DNPEP: variants seen among roughly 807,000 people sequenced by gnomAD.
The protein encoded by DNPEP is aspartyl aminopeptidase.
Under a neutral mutation model 59.1 loss-of-function variants are expected in DNPEP, and 46 were observed. That is an observed-to-expected ratio of 0.78 (90% CI 0.61 to 0.99). The LOEUF (loss-of-function observed/expected upper bound fraction) is 0.99, where lower values mean the gene tolerates loss of function less well. Ranked by LOEUF, DNPEP falls within the 50% of genes least tolerant of loss-of-function variation. DNPEP has a pLI of 0.00. For synonymous variants in DNPEP, 229 were observed against 242.2 expected, an observed-to-expected ratio of 0.95 and a Z score of 0.50; for missense variants, 617 against 649.9, an observed-to-expected ratio of 0.95 and a Z score of 0.55.
upstream of DNPEP, chr2:219,388,843 T>C (rs1244960522): frequency 1.0e-6 from 1 of 985,388 alleles, no homozygotes; most frequent in Non-Finnish European, 1.2e-6. Flanking sequence ...CCTCGTTTAA[T>C]CTTCACAACT....
At chr2:219,382,762 G>T (rs1953653421) in intron 10 of DNPEP, among the ~76,000 whole-genome samples, 2 of 152,192 alleles carry the variant, frequency 1.3e-5, no homozygotes, top group Admixed American at 6.5e-5. Context: ...GACCTGGGTT[G>T]TTACATGAGA....
In DNPEP at chr2:219,386,389, C is replaced by T. The variant is rs1036722439; in HGVS notation, c.356G>A (p.Ser119Asn). 6.2e-7 allele frequency: 1 copy of T among 1,614,226 alleles called. No individual in the cohort carries two copies. Among genetic ancestry groups the T allele is most frequent in the East Asian group, 2.2e-5 (1 of 44,880 alleles). Residue 119 changes from serine to asparagine, a missense_variant, in exon 5 of 15, where the codon AGC becomes AAC. By Grantham distance (46) the Ser-to-Asn change is conservative. Transcript: ENST00000273075. ...CLRVKRRSRR[S>N]QVGFQQVGVE... Reference sequence around the variant, plus strand: ...ACCGACTTGCTGGAAGCCCACCTGGCTGCGGCGAGACCGACGTTTCACCTG... The same window carrying T: ...ACCGACTTGCTGGAAGCCCACCTGGTTGCGGCGAGACCGACGTTTCACCTG...
At chr2:219,390,519 A>G (rs768808637), upstream of DNPEP, among the ~76,000 whole-genome samples, 4 of 152,252 alleles carry the variant, frequency 2.6e-5, no homozygotes, top group Non-Finnish European at 5.9e-5. Context: ...TCATGAACAT[A>G]TGAGACACCT....
At chr2:219,386,237 G>A in intron 5 of DNPEP, 49 bp downstream of exon 5, 1 of 1,613,172 alleles carries the variant, frequency 6.2e-7, no homozygotes, top group South Asian at 1.1e-5. Flanking sequence ...GAGGAGTGTG[G>A]CAGTCAGTCT....
upstream of DNPEP, chr2:219,388,969 C>T (rs1221082942): frequency 7.1e-6 from 5 of 706,658 alleles, no homozygotes; most frequent in Non-Finnish European, 5.2e-6. Flanking sequence ...GTTTGAACTC[C>T]ATCAGTTTGA....
intron 13 of DNPEP, among the ~76,000 whole-genome samples, chr2:219,380,067 T>C (rs1953524635): frequency 1.3e-5 from 2 of 152,182 alleles, no homozygotes; most frequent in South Asian, 2.1e-4. Context: ...AGTAATGTCC[T>C]AGGCCTTCAC....
intron 9 of DNPEP, 66 bp from the exon 10 acceptor site, chr2:219,383,280 C>G: frequency 6.9e-7 from 1 of 1,457,754 alleles, no homozygotes; most frequent in Non-Finnish European, 9.6e-7. Flanking sequence ...AGCCCACCAG[C>G]ACCTTGGGTG....
intron 8 of DNPEP, 50 bp from the exon 9 acceptor site, chr2:219,384,493 A>G (rs1953727534): frequency 6.6e-7 from 1 of 1,510,098 alleles, no homozygotes; most frequent in Non-Finnish European, 9.1e-7. Flanking sequence ...ACCCCCACTC[A>G]CCTTTCTTTT....
In DNPEP at chr2:219,377,546, T is replaced by TA. The variant is rs201398383; in HGVS notation, c.1240-2525dup. On this transcript the variant is annotated intron_variant, in intron 13 of 14. Coordinates refer to ENST00000273075, the MANE Select transcript of DNPEP (RefSeq NM_012100.4). ...GATACTAGGGTGGGCCAAATACCTG[T>TA]AAAAAAAATATTTTGAGGATAACTG... Among the ~76,000 whole-genome samples, 738 of 151,984 alleles carry TA rather than the reference T, an allele frequency of 4.9e-3. 7 individuals carry two copies. The highest frequency in any genetic ancestry group is 0.016 in the African/African-American group (672 of 41,452).
Position 219,384,215 on chromosome 2 carries a change from C to G in DNPEP, c.852+151G>C, listed in dbSNP as rs143090933. ...GATGCTGAGGCTGCAACATTTAGGG[C>G]CCCCTCCTGGTCCATCCAGCACCAG... On this transcript the variant is annotated intron_variant, in intron 9 of 14. Coordinates refer to ENST00000273075, the MANE Select transcript of DNPEP (RefSeq NM_012100.4). 499 of 665,154 alleles carry G rather than the reference C, an allele frequency of 7.5e-4. No individual in the cohort carries two copies. The African/African-American group carries it at 8.7e-3, about 12-fold the overall frequency. The allele number at this position is 665,154 out of a possible 1,614,324, so 41.2% of individuals were successfully genotyped here.
intron 10 of DNPEP, among the ~76,000 whole-genome samples, 194 bp from the exon 11 acceptor site, chr2:219,382,333 C>T (rs137958206): frequency 6.2e-4 from 94 of 152,330 alleles, no homozygotes; most frequent in African/African-American, 2.2e-3. Context: ...ACATTCTTAA[C>T]AGTACTGGTG....
intron 11 of DNPEP, 51 bp downstream of exon 11, chr2:219,381,928 G>A (rs1429204123): frequency 1.3e-6 from 2 of 1,600,002 alleles, no homozygotes; most frequent in African/African-American, 1.3e-5. Flanking sequence ...GGCAGGTTAT[G>A]CTTGGGTCTC....
rs1403569242 is a variant in DNPEP, at chr2:219,399,302, A to G, written c.-158+638T>C. On this transcript the variant is annotated intron_variant, in intron 1 of 6. Transcript: ENST00000434339. Reference sequence around the variant, plus strand: ...ATAAAAATATCAAAGGCCAACACCTATCTCAAACAGAAACCGACCCACCCT... The same window carrying G: ...ATAAAAATATCAAAGGCCAACACCTGTCTCAAACAGAAACCGACCCACCCT... 7.0e-5 allele frequency: 26 copies of G among 369,036 alleles called. 1 individual carries two copies. The highest frequency in any genetic ancestry group is 4.0e-4 in the South Asian group (20 of 49,644). 22.9% of individuals were successfully genotyped at this position (369,036 alleles called of 1,614,324 possible). A position where few individuals can be genotyped will look rare whatever the true frequency, so the allele number is the denominator to read the frequency against.
intron 13 of DNPEP, among the ~76,000 whole-genome samples, chr2:219,378,919 G>GTTAT (rs572250943): frequency 0.01 from 1,530 of 152,134 alleles, 10 homozygotes; most frequent in African/African-American, 0.015. Context: ...GCTTTTTATT[G>GTTAT]TTATTTATTT....
chr2:219,381,300 T>A lies in DNPEP; in HGVS notation c.1239+35A>T, dbSNP rs779491094. 10 of 1,595,078 alleles carry A rather than the reference T, an allele frequency of 6.3e-6. No individual in the cohort carries two copies. In the East Asian group the frequency reaches 2.2e-4, roughly 36 times the overall value. The stretch of plus-strand genomic sequence containing the variant: ...CTGTTTGTGCCCCCACCAAGCTCCC[T>A]CCATCACACCTTCCCAGGCAGGGCC... On this transcript the variant is annotated intron_variant, in intron 13 of 14. Transcript: ENST00000273075.
chr2:219,394,021 A>G (rs929205408), intron 1 of DNPEP, among the ~76,000 whole-genome samples: 10 of 152,174 alleles, frequency 6.6e-5, no homozygotes, highest in African/African-American at 2.4e-4. Flanking sequence ...TACATGTGCT[A>G]TAATTTCTCC....
chr2:219,388,946 C>G (rs1953964817), upstream of DNPEP: 2 of 894,532 alleles, frequency 2.2e-6, no homozygotes, highest in South Asian at 1.0e-4. Flanking sequence ...AGGTAATAAA[C>G]GGCACAGGTG....
At chr2:219,389,832 C>CAATAAATA (rs6147178), upstream of DNPEP, among the ~76,000 whole-genome samples, 34 of 142,938 alleles carry the variant, frequency 2.4e-4, no homozygotes, top group Admixed American at 4.2e-4. Flanking sequence ...GATTCTGTCT[C>CAATAAATA]AATAAATAAA....
intron 13 of DNPEP, among the ~76,000 whole-genome samples, chr2:219,377,030 T>C (rs1953400681): frequency 6.6e-6 from 1 of 151,910 alleles, no homozygotes; most frequent in Non-Finnish European, 1.5e-5. Flanking sequence ...TCCCAGCACT[T>C]TGGGAGGCTG....
Sources: gnomAD v4.1 joint callset for allele counts (sites outside exome capture counted in the v4.1 genomes callset) on GRCh38, gnomAD v4.1.1 for gene constraint, MANE v1.5 for transcripts, NCBI Gene and HGNC (gene_info 2026-07-23, HGNC 2026-07-21) for gene names.